PXDC1: variants seen among roughly 807,000 people sequenced by gnomAD.
The protein encoded by PXDC1 is PX domain containing 1.
Under a neutral mutation model 24.4 loss-of-function variants are expected in PXDC1, and 13 were observed. The observed-to-expected ratio is 0.53, with a 90% CI of 0.35 to 0.85. PXDC1 has a LOEUF of 0.85. PXDC1 is among the 40% of genes least tolerant of loss of function. The pLI, the probability that PXDC1 is intolerant of heterozygous loss-of-function variation, is 0.01. For synonymous variants in PXDC1, 162 were observed against 124.9 expected (o/e 1.30, Z -1.98); for missense variants, 344 against 309.3 (o/e 1.11, Z -0.84).
chr6:3,750,687 G>C (rs950444322), intron 1 of PXDC1, among the ~76,000 whole-genome samples: 29 of 152,322 alleles, frequency 1.9e-4, no homozygotes, highest in Non-Finnish European at 3.1e-4. Context: ...GCCCTGGCGG[G>C]GGTGCGGGGG....
In PXDC1 at chr6:3,751,625, G is replaced by A. The variant is rs964835070; in HGVS notation, c.-94C>T. 1 of 1,352,864 alleles carries A rather than the reference G, an allele frequency of 7.4e-7. No homozygotes were observed. The highest frequency in any genetic ancestry group is 1.5e-5 in the African/African-American group (1 of 64,648). 83.8% of individuals were successfully genotyped at this position (1,352,864 alleles called of 1,614,324 possible). On this transcript the variant is annotated 5_prime_UTR_variant, in exon 1 of 5. In the 5' UTR this introduces an upstream ATG that the reference lacks. Transcript: ENST00000380283. ...GGCCGGGGTCGTCCCGGGTCTGTCC[G>A]TGGCCGGGGTCGTCCGGGGTCGGCC...
At chr6:3,734,510 T>C (rs376802810) in intron 3 of PXDC1, among the ~76,000 whole-genome samples, 38 of 152,162 alleles carry the variant, frequency 2.5e-4, no homozygotes, top group African/African-American at 8.2e-4. Context: ...CCCAGAGCAA[T>C]AGACAATTAG....
rs947188923 is a variant in PXDC1 at position 3,723,300 on chromosome 6, C to G, written c.*319G>C. 3.2e-6 allele frequency: 1 copy of G among 311,512 alleles called. No individual in the cohort carries two copies. Among genetic ancestry groups the G allele is most frequent in the African/African-American group, 2.1e-5 (1 of 48,018 alleles). 19.3% of individuals were successfully genotyped at this position (311,512 alleles called of 1,614,324 possible). ...TCCCAGGAAGCAGTAGCAGTGAGAG[C>G]GAGCCCCACAGGAACTGTCCCTGCC... On this transcript the variant is annotated 3_prime_UTR_variant, in exon 5 of 5. Coordinates refer to ENST00000380283, the MANE Select transcript of PXDC1 (RefSeq NM_183373.4).
Position 3,723,615 on chromosome 6 carries a change from A to C in PXDC1, c.*4T>G. On this transcript the variant is annotated 3_prime_UTR_variant, in exon 5 of 5. Coordinates refer to ENST00000380283, the MANE Select transcript of PXDC1 (RefSeq NM_183373.4). ...CTGAGGCGGGGGAGGCCTGATAGAGAGGTTCAGTCCCAAATGTCTGTCTCG... is the reference window on the plus strand; with the variant it reads ...CTGAGGCGGGGGAGGCCTGATAGAGCGGTTCAGTCCCAAATGTCTGTCTCG... 1 of 1,604,906 alleles carries C rather than the reference A, an allele frequency of 6.2e-7. No homozygotes were observed. Among genetic ancestry groups the C allele is most frequent in the South Asian group, 1.1e-5 (1 of 90,882 alleles).
At chr6:3,733,005 G>A (rs1760236955) in intron 3 of PXDC1, among the ~76,000 whole-genome samples, 1 of 152,248 alleles carries the variant, frequency 6.6e-6, no homozygotes. Flanking sequence ...CGGCTGGCCA[G>A]TCCCCTGCAG....
intron 3 of PXDC1, among the ~76,000 whole-genome samples, chr6:3,733,223 G>A (rs1010424977): frequency 2.0e-5 from 3 of 152,162 alleles, no homozygotes; most frequent in African/African-American, 2.4e-5. Flanking sequence ...AGAGAAAGCC[G>A]TGTGGACAGT....
chr6:3,747,169 T>C (rs1454457369), intron 1 of PXDC1, among the ~76,000 whole-genome samples: 6 of 152,094 alleles, frequency 3.9e-5, no homozygotes, highest in African/African-American at 1.2e-4. Flanking sequence ...GACTCCCCCA[T>C]GGCAGCAAAT....
In PXDC1 at chr6:3,731,309, G is replaced by T. The variant is rs572418820; in HGVS notation, c.467-3647C>A. ...CATTGTTAGTAATGTCCTCAGATCT[G>T]TTATGATGTAAATAAAAAAGAACGG... On this transcript the variant is annotated intron_variant, in intron 3 of 4. Transcript: ENST00000380283. Among the ~76,000 whole-genome samples the T allele has an allele frequency of 4.1e-3, 627 of 152,266 alleles. 2 individuals are homozygous for T. Among genetic ancestry groups the T allele is most frequent in the African/African-American group, 0.014 (594 of 41,556 alleles).
At position 3,737,692 on chromosome 6, in the gene PXDC1, C is replaced by T. The variant is rs371316997; in HGVS notation, c.348+365G>A. On this transcript the variant is annotated intron_variant, in intron 2 of 4. Coordinates refer to ENST00000380283, the MANE Select transcript of PXDC1 (RefSeq NM_183373.4). The surrounding 1 kb of genome is among the most constrained non-coding windows in gnomAD (Gnocchi z 5.5). Reference sequence around the variant, plus strand: ...ACGCCAACGTTCTTCTTGGTTTCCACGTGTCTGTTCTAAAATCCCCTCAGC... The same window carrying T: ...ACGCCAACGTTCTTCTTGGTTTCCATGTGTCTGTTCTAAAATCCCCTCAGC... The T allele has an allele frequency of 1.7e-5, 17 of 985,432 alleles. No homozygotes were observed. Among genetic ancestry groups the T allele is most frequent in the East Asian group, 1.1e-4 (1 of 8,812 alleles). 61.0% of individuals were successfully genotyped at this position (985,432 alleles called of 1,614,324 possible). A position where few individuals can be genotyped will look rare whatever the true frequency, so the allele number is the denominator to read the frequency against.
At chr6:3,736,154 CA>C (rs1440366131) in intron 3 of PXDC1, among the ~76,000 whole-genome samples, 1 of 152,168 alleles carries the variant, frequency 6.6e-6, no homozygotes, top group Admixed American at 6.5e-5. Flanking sequence ...TCTGGTCTCC[CA>C]ATTCCTTCTG....
Position 3,724,595 on chromosome 6 carries a change from G to C in PXDC1, c.579-859C>G, listed in dbSNP as rs1203954005. Among the ~76,000 whole-genome samples, 2 of 152,192 alleles carry C rather than the reference G, an allele frequency of 1.3e-5. No individual in the cohort carries two copies. Among genetic ancestry groups the C allele is most frequent in the East Asian group, 3.9e-4 (2 of 5,178 alleles). Reference sequence around the variant, plus strand: ...CTATGAATCAGCCCAAACCCAGCAGGCCGCGTGGGAGTGTGGACAGAGGCA... The same window carrying C: ...CTATGAATCAGCCCAAACCCAGCAGCCCGCGTGGGAGTGTGGACAGAGGCA... On this transcript the variant is annotated intron_variant, in intron 4 of 4. Transcript: ENST00000380283. This position sits in a 1 kb window ranked among gnomAD's most constrained non-coding sequence, Gnocchi z 4.5.
Position 3,725,784 on chromosome 6 carries a change from C to T in PXDC1, c.578+1767G>A, listed in dbSNP as rs1023363233. Among the ~76,000 whole-genome samples, 2 of 152,320 alleles carry T rather than the reference C, an allele frequency of 1.3e-5. No individual in the cohort carries two copies. The highest frequency in any genetic ancestry group is 2.1e-4 in the South Asian group (1 of 4,828). On this transcript the variant is annotated intron_variant, in intron 4 of 4. Transcript: ENST00000380283. The surrounding 1 kb of genome is among the most constrained non-coding windows in gnomAD (Gnocchi z 4.8). ...GGACCATCGACTCCACTGCACTGCC[C>T]GAGATTGAGGAGCCAGAGAAAGGCC...
In PXDC1 at chr6:3,737,161, T is replaced by C. The variant is rs1760337187; in HGVS notation, c.384A>G (p.Glu128=). Residue 128 remains glutamate (E), a synonymous_variant, in exon 3 of 5, where the codon GAA becomes GAG. Transcript: ENST00000380283. This position sits in a 1 kb window ranked among gnomAD's most constrained non-coding sequence, Gnocchi z 5.5. The part of the protein sequence containing the change: ...SRSEVVLTFF[E]RSPLDQVLKN... ...TTAACACCTGATCCAGAGGAGATCT[T>C]TCGAAGAAGGTGAGCACAACTTCCG... is the stretch of plus-strand genomic sequence containing the variant. 1 of 1,613,392 alleles carries C rather than the reference T, an allele frequency of 6.2e-7. No individual in the cohort carries two copies. Among genetic ancestry groups the C allele is most frequent in the Non-Finnish European group, 8.5e-7 (1 of 1,179,424 alleles).
At chr6:3,747,803 A>G (rs1419173798) in intron 1 of PXDC1, among the ~76,000 whole-genome samples, 1 of 152,224 alleles carries the variant, frequency 6.6e-6, no homozygotes, top group Non-Finnish European at 1.5e-5. Flanking sequence ...CCCAACCAGA[A>G]TATAAGAATC....
chr6:3,751,443 C>A lies in PXDC1; in HGVS notation c.89G>T (p.Ser30Ile), dbSNP rs1384294029. ...GAACTCCTCTTCGTCGCCGCGCCGG[C>A]TGACGATGAGCCTGCGGATGCCGTT... ...WVNGIRRLIVSRRGDEEEFFE... is the reference protein window; with the variant it reads ...WVNGIRRLIVIRRGDEEEFFE... Residue 30 changes from serine to isoleucine, a missense_variant, in exon 1 of 5, where the codon AGC (serine) becomes ATC (isoleucine). By Grantham distance (142) the Ser-to-Ile change is moderately radical. Coordinates refer to ENST00000380283, the MANE Select transcript of PXDC1 (RefSeq NM_183373.4). 1 of 1,597,046 alleles carries A rather than the reference C, an allele frequency of 6.3e-7. No individual in the cohort carries two copies. The highest frequency in any genetic ancestry group is 8.5e-7 in the Non-Finnish European group (1 of 1,172,946).
In PXDC1 at chr6:3,751,568, C is replaced by A; in HGVS notation, c.-37G>T. ...GCCCCCGCCAAGGGCTCCCCAGCCC[C>A]GCCGCCCGCCCGCCCGCAGGAGGCG... On this transcript the variant is annotated 5_prime_UTR_variant, in exon 1 of 5. Coordinates refer to ENST00000380283, the MANE Select transcript of PXDC1 (RefSeq NM_183373.4). 2 of 1,475,536 alleles carry A rather than the reference C, an allele frequency of 1.4e-6. No individual in the cohort carries two copies. Among genetic ancestry groups the A allele is most frequent in the Non-Finnish European group, 1.8e-6 (2 of 1,116,444 alleles). 91.4% of individuals were successfully genotyped at this position (1,475,536 alleles called of 1,614,324 possible).
chr6:3,751,054 T>C (rs1561742290), intron 1 of PXDC1: 6 of 473,122 alleles, frequency 1.3e-5, no homozygotes, highest in Non-Finnish European at 1.1e-5. Flanking sequence ...CCCATTTGGC[T>C]CCTCCGCCGG....
intron 1 of PXDC1, 78 bp downstream of exon 1, chr6:3,751,197 TG>T: frequency 8.9e-7 from 1 of 1,129,602 alleles, no homozygotes; most frequent in Non-Finnish European, 1.2e-6. Flanking sequence ...CAATCTCGGT[TG>T]AAGTCTCTTC....
chr6:3,746,434 A>AC (rs970739795), intron 1 of PXDC1, among the ~76,000 whole-genome samples: 15 of 152,256 alleles, frequency 9.9e-5, no homozygotes, highest in African/African-American at 3.6e-4. Context: ...CTGGCAGGGC[A>AC]CCCCCAGTGC....
Sources: allele counts gnomAD v4.1 joint callset (sites outside exome capture counted in the v4.1 genomes callset), GRCh38; gene constraint gnomAD v4.1.1; non-coding constraint Gnocchi (gnomAD v3.1); transcripts MANE v1.5; gene names NCBI Gene and HGNC (gene_info 2026-07-23, HGNC 2026-07-21).